GPHN: variants seen among roughly 807,000 people sequenced by gnomAD.
The protein encoded by GPHN is gephyrin.
GPHN carries 17 observed loss-of-function variants against 95.5 expected under a neutral mutation model. The observed-to-expected ratio is 0.18, with a 90% CI of 0.12 to 0.27. The LOEUF (loss-of-function observed/expected upper bound fraction) is 0.27, where lower values mean the gene tolerates loss of function less well. Among genes scored for constraint, GPHN ranks in the 10% least tolerant of loss-of-function variants. GPHN has a pLI of 1.00. For missense variants in GPHN, 660 were observed against 978.1 expected, an observed-to-expected ratio of 0.67 and a Z score of 4.34; for synonymous variants, 320 against 322.5, an observed-to-expected ratio of 0.99 and a Z score of 0.08.
At chr14:67,669,781 T>C in the GPHN span, among the ~76,000 whole-genome samples, 1 of 152,142 alleles carries the variant, frequency 6.6e-6, no homozygotes, top group Non-Finnish European at 1.5e-5. Context: ...TCATATCCAT[T>C]GAGGCTGGTT....
At chr14:67,466,994 C>CAAAAA in the GPHN span, 2 of 72,862 alleles carry the variant, frequency 2.7e-5, no homozygotes, top group Non-Finnish European at 5.2e-5. Flanking sequence ...GACCCAATCT[C>CAAAAA]AAAAAAAAAA....
At chr14:67,473,951 G>A in the GPHN span, 52,026 of 1,575,692 alleles carry the variant, frequency 0.033, 1,025 homozygotes, top group African/African-American at 0.051. This position sits in a 1 kb window ranked among gnomAD's most constrained non-coding sequence, Gnocchi z 6.5. Context: ...GCTGCGGGGG[G>A]CGCAAGAGAG....
intron 1 of GPHN, among the ~76,000 whole-genome samples, chr14:66,598,043 C>T (rs2062059189): frequency 6.6e-6 from 1 of 152,166 alleles, no homozygotes; most frequent in Non-Finnish European, 1.5e-5. Flanking sequence ...GAAAGACATA[C>T]TCATGATCTT....
At chr14:66,878,206 C>T (rs2063757031) in intron 4 of GPHN, among the ~76,000 whole-genome samples, 1 of 152,086 alleles carries the variant, frequency 6.6e-6, no homozygotes, top group Non-Finnish European at 1.5e-5. Context: ...CTTCCTTACA[C>T]CTTATACAAA....
chr14:66,570,050 T>C (rs932305102), intron 1 of GPHN, among the ~76,000 whole-genome samples: 1 of 152,134 alleles, frequency 6.6e-6, no homozygotes, highest in African/African-American at 2.4e-5. Context: ...ATTTGTTTTT[T>C]TGTGCTTGTT....
At position 66,759,414 on chromosome 14, in the gene GPHN, A is replaced by G. The variant is rs111384961; in HGVS notation, c.144-17050A>G. Among the ~76,000 whole-genome samples the G allele has an allele frequency of 3.1e-3, 471 of 152,392 alleles. 11 individuals are homozygous for G. Among genetic ancestry groups the G allele is most frequent in the African/African-American group, 0.011 (446 of 41,594 alleles). ...TTCTACTCAAAGCCTTGGTAAAACA[A>G]CCAGTTTCTCTAATTGTGTCCTGTT... On this transcript the variant is annotated intron_variant, in intron 2 of 22. Coordinates refer to ENST00000478722, the MANE Select transcript of GPHN (RefSeq NM_020806.5).
chr14:67,205,041 A>G, the GPHN span: 2 of 1,552,126 alleles, frequency 1.3e-6, no homozygotes, highest in Non-Finnish European at 1.7e-6. Flanking sequence ...CGGGAGTCAC[A>G]GTGGTGTTTG....
At chr14:66,953,024 T>A (rs1412736427) in intron 8 of GPHN, among the ~76,000 whole-genome samples, 7 of 151,254 alleles carry the variant, frequency 4.6e-5, no homozygotes. Context: ...ATCATCTGAA[T>A]GGGTGTGAAA....
intron 3 of GPHN, chr14:66,823,313 T>C (rs1432072529): frequency 6.6e-6 from 1 of 152,232 alleles, no homozygotes. Flanking sequence ...TTTTTTTATA[T>C]ACCAGAAAGA....
chr14:67,240,267 T>C, the GPHN span, among the ~76,000 whole-genome samples: 4 of 152,114 alleles, frequency 2.6e-5, no homozygotes, highest in Admixed American at 2.0e-4. Context: ...CATCACAGTG[T>C]CCTTAGTGAG....
At chr14:67,207,659 G>C in the GPHN span, among the ~76,000 whole-genome samples, 1 of 152,188 alleles carries the variant, frequency 6.6e-6, no homozygotes, top group Non-Finnish European at 1.5e-5. Flanking sequence ...TGAGCCCTAA[G>C]TGATTCTGAG....
chr14:66,604,005 G>A (rs542092729), intron 1 of GPHN, among the ~76,000 whole-genome samples: 36 of 152,162 alleles, frequency 2.4e-4, no homozygotes, highest in African/African-American at 7.7e-4. Flanking sequence ...AGGTCTTGGG[G>A]AATGAACACT....
intron 3 of GPHN, among the ~76,000 whole-genome samples, chr14:66,810,815 A>G (rs1255432629): frequency 6.6e-6 from 1 of 152,144 alleles, no homozygotes; most frequent in East Asian, 1.9e-4. Context: ...CCATGTTTCA[A>G]TAACTTGCCT....
At chr14:66,634,315 G>A (rs1372968490) in intron 1 of GPHN, among the ~76,000 whole-genome samples, 8 of 151,676 alleles carry the variant, frequency 5.3e-5, no homozygotes, top group South Asian at 4.2e-4. Flanking sequence ...GAATGTTTTC[G>A]CATTGGTTCT....
chr14:66,561,126 C>T (rs2060219430), intron 1 of GPHN, among the ~76,000 whole-genome samples: 1 of 152,090 alleles, frequency 6.6e-6, no homozygotes, highest in South Asian at 2.1e-4. Context: ...TTTTGATGTG[C>T]TGCTGGATTC....
the GPHN span, among the ~76,000 whole-genome samples, chr14:67,243,603 C>T: frequency 6.9e-6 from 1 of 144,260 alleles, no homozygotes; most frequent in Non-Finnish European, 1.5e-5. Context: ...CGCCATTTTT[C>T]TGCCTCAGCC....
chr14:67,577,279 C>G, the GPHN span: 1 of 1,507,090 alleles, frequency 6.6e-7, no homozygotes, highest in Non-Finnish European at 9.0e-7. Context: ...TGCCCTTGCT[C>G]TCTGGTTCCG....
intron 8 of GPHN, among the ~76,000 whole-genome samples, chr14:66,957,358 G>T (rs1194436689): frequency 6.6e-6 from 1 of 151,716 alleles, no homozygotes; most frequent in Non-Finnish European, 1.5e-5. Flanking sequence ...ACCACACCCA[G>T]TTAATTTTTG....
At chr14:67,217,167 CT>C in the GPHN span, among the ~76,000 whole-genome samples, 55 of 148,938 alleles carry the variant, frequency 3.7e-4, no homozygotes, top group East Asian at 4.9e-3. Flanking sequence ...CTTTCTTCAT[CT>C]TTTTTTTTTA....
Sources: allele counts gnomAD v4.1 joint callset (sites outside exome capture counted in the v4.1 genomes callset), GRCh38; gene constraint gnomAD v4.1.1; non-coding constraint Gnocchi (gnomAD v3.1); transcripts MANE v1.5; gene names NCBI Gene and HGNC (gene_info 2026-07-23, HGNC 2026-07-21).